SMYD3: variants seen among roughly 807,000 people sequenced by gnomAD.
SMYD3 encodes SET and MYND domain containing 3.
SMYD3 carries 36 observed loss-of-function variants against 57.7 expected under a neutral mutation model. The ratio of observed to expected loss-of-function variants is 0.62; its 90% confidence interval spans 0.48 to 0.82. The LOEUF (loss-of-function observed/expected upper bound fraction) is 0.82. Ranked by LOEUF, SMYD3 falls within the 40% of genes least tolerant of loss-of-function variation. The pLI is 0.00. For missense variants in SMYD3, 515 were observed against 538.8 expected (o/e 0.96, Z 0.44); for synonymous variants, 211 against 195.0 (o/e 1.08, Z -0.68).
At position 246,284,667 on chromosome 1, in the gene SMYD3, C is replaced by T. The variant is rs573987831; in HGVS notation, c.531+42534G>A. On this transcript the variant is annotated intron_variant, in intron 5 of 11. Coordinates refer to ENST00000490107, the MANE Select transcript of SMYD3 (RefSeq NM_001167740.2). ...TCCTGACCTCGTGATCCGCCCACCT[C>T]AGCCTCCCAAAGTGCTGGGATTACA... Among the ~76,000 whole-genome samples the T allele has an allele frequency of 3.2e-3, 485 of 152,254 alleles. 2 individuals carry two copies. The highest frequency in any genetic ancestry group is 0.011 in the African/African-American group (453 of 41,568).
chr1:246,077,322 T>C (rs1342233863), intron 5 of SMYD3, among the ~76,000 whole-genome samples: 1 of 152,074 alleles, frequency 6.6e-6, no homozygotes, highest in Non-Finnish European at 1.5e-5. Flanking sequence ...TGCAAACAAG[T>C]AATAGTACAT....
rs182375413 is a variant in SMYD3 at position 246,132,570 on chromosome 1, C to T, written c.531+194631G>A. On this transcript the variant is annotated intron_variant, in intron 5 of 11. Coordinates refer to ENST00000490107, the MANE Select transcript of SMYD3 (RefSeq NM_001167740.2). The stretch of plus-strand genomic sequence containing the variant: ...ATAAAGGAAGTCTTCATGGCATTGG[C>T]TTGAGCAATGATTACTCAGGTATGA... Among the ~76,000 whole-genome samples the T allele has an allele frequency of 2.9e-3, 443 of 152,172 alleles. 2 individuals carry two copies. Among genetic ancestry groups the T allele is most frequent in the African/African-American group, 0.01 (427 of 41,554 alleles).
intron 5 of SMYD3, among the ~76,000 whole-genome samples, chr1:246,108,208 A>T (rs2061165588): frequency 6.6e-6 from 1 of 152,224 alleles, no homozygotes; most frequent in South Asian, 2.1e-4. Flanking sequence ...AGCACCTATT[A>T]CATAACTAAG....
At chr1:245,836,454 G>C (rs2050111956) in intron 10 of SMYD3, among the ~76,000 whole-genome samples, 1 of 152,220 alleles carries the variant, frequency 6.6e-6, no homozygotes, top group Non-Finnish European at 1.5e-5. Flanking sequence ...GTTCTTGAGA[G>C]AGGAGTCTGT....
At chr1:246,316,042 C>T (rs2148641385) in intron 5 of SMYD3, among the ~76,000 whole-genome samples, 1 of 152,208 alleles carries the variant, frequency 6.6e-6, no homozygotes, top group East Asian at 1.9e-4. Context: ...TTTTTCCTCC[C>T]ATGAAAGGTC....
chr1:246,122,013 A>G (rs2061432137), intron 5 of SMYD3, among the ~76,000 whole-genome samples: 1 of 152,182 alleles, frequency 6.6e-6, no homozygotes, highest in South Asian at 2.1e-4. Context: ...TCATTCTCCA[A>G]AATTTCAAAT....
At chr1:245,974,329 A>G (rs948311034) in intron 5 of SMYD3, among the ~76,000 whole-genome samples, 8 of 152,186 alleles carry the variant, frequency 5.3e-5, no homozygotes, top group Non-Finnish European at 1.2e-4. Context: ...ATACATGAGC[A>G]GTATTATAAA....
At chr1:245,785,128 C>T (rs538516604) in intron 10 of SMYD3, among the ~76,000 whole-genome samples, 4 of 151,614 alleles carry the variant, frequency 2.6e-5, no homozygotes, top group Non-Finnish European at 5.9e-5. Flanking sequence ...GTGATCCACC[C>T]GCCTCGGCCT....
chr1:245,797,099 A>AT (rs1305147771), intron 10 of SMYD3, among the ~76,000 whole-genome samples: 1 of 152,246 alleles, frequency 6.6e-6, no homozygotes, highest in Admixed American at 6.5e-5. Context: ...GGCACTTTCT[A>AT]TTCAAGTACC....
At chr1:245,863,933 C>G (rs2051689357) in intron 8 of SMYD3, 47 bp from the exon 9 acceptor site, 7 of 1,563,132 alleles carry the variant, frequency 4.5e-6, no homozygotes, top group Admixed American at 3.3e-5. Context: ...TAGTAATAGG[C>G]AAAGGACGTG....
chr1:246,471,238 C>T (rs907631753), intron 1 of SMYD3, among the ~76,000 whole-genome samples: 2 of 151,420 alleles, frequency 1.3e-5, no homozygotes, highest in African/African-American at 4.9e-5. Flanking sequence ...TCTTGCTGTC[C>T]CCCAGGCTGA....
intron 10 of SMYD3, among the ~76,000 whole-genome samples, chr1:245,789,211 T>C (rs565471589): frequency 4.6e-5 from 7 of 152,188 alleles, no homozygotes; most frequent in Non-Finnish European, 7.3e-5. Flanking sequence ...ATTCCTATTA[T>C]GATGTAAGTC....
At chr1:245,871,252 G>A (rs951991836) in intron 8 of SMYD3, among the ~76,000 whole-genome samples, 4 of 152,160 alleles carry the variant, frequency 2.6e-5, no homozygotes, top group Admixed American at 6.5e-5. Flanking sequence ...CTTTGACTGA[G>A]GTAGTCTGGT....
At chr1:246,359,220 G>C (rs2065952914) in intron 1 of SMYD3, among the ~76,000 whole-genome samples, 1 of 152,160 alleles carries the variant, frequency 6.6e-6, no homozygotes, top group Non-Finnish European at 1.5e-5. Context: ...AGAGGGGATG[G>C]ATAAATTCCT....
intron 11 of SMYD3, among the ~76,000 whole-genome samples, chr1:245,753,251 GAA>G (rs34929779): frequency 9.9e-5 from 11 of 111,562 alleles, no homozygotes; most frequent in Non-Finnish European, 7.6e-5. Flanking sequence ...TGAAGCAACT[GAA>G]AAAAAAAAAA....
chr1:246,271,656 T>C (rs533435228), intron 5 of SMYD3, among the ~76,000 whole-genome samples: 1 of 152,352 alleles, frequency 6.6e-6, no homozygotes, highest in African/African-American at 2.4e-5. Context: ...CATTGGTCTA[T>C]ATGTCTGTCT....
intron 11 of SMYD3, among the ~76,000 whole-genome samples, chr1:245,751,426 C>T (rs770946885): frequency 2.6e-5 from 4 of 152,162 alleles, no homozygotes; most frequent in Non-Finnish European, 5.9e-5. Context: ...TGGGTAATTT[C>T]AACCTCTGTT....
At chr1:246,238,944 C>G (rs1438818854) in intron 5 of SMYD3, among the ~76,000 whole-genome samples, 3 of 134,784 alleles carry the variant, frequency 2.2e-5, no homozygotes, top group Non-Finnish European at 4.6e-5. Flanking sequence ...GTGCAATTTA[C>G]TGGAGAGACG....
chr1:246,304,634 T>C (rs1313970169), intron 5 of SMYD3, among the ~76,000 whole-genome samples: 1 of 152,188 alleles, frequency 6.6e-6, no homozygotes, highest in African/African-American at 2.4e-5. Context: ...CTGCTAGAGT[T>C]TGGAGTTTTC....
Sources: gnomAD v4.1 joint callset for allele counts (sites outside exome capture counted in the v4.1 genomes callset) on GRCh38, gnomAD v4.1.1 for gene constraint, MANE v1.5 for transcripts, NCBI Gene and HGNC (gene_info 2026-07-23, HGNC 2026-07-21) for gene names.